Variants in MYT1L observed in about 807,000 individuals in gnomAD.
MYT1L encodes myelin transcription factor 1 like, also known as myelin transcription factor 1-like protein.
Under a neutral mutation model 126.7 loss-of-function variants are expected in MYT1L, and 12 were observed. That is an observed-to-expected ratio of 0.09 (90% confidence interval 0.06 to 0.15). The LOEUF (loss-of-function observed/expected upper bound fraction) is 0.15, where lower values mean the gene tolerates loss of function less well. Among genes scored for constraint, MYT1L ranks in the 10% least tolerant of loss-of-function variants. The pLI is 1.00. For missense variants in MYT1L, 979 were observed against 1,585.2 expected (o/e 0.62, Z 6.49); for synonymous variants, 541 against 604.2 (o/e 0.90, Z 1.53).
intron 8 of MYT1L, among the ~76,000 whole-genome samples, chr2:1,978,327 A>G (rs1198621500): frequency 1.3e-5 from 2 of 152,222 alleles, no homozygotes; most frequent in East Asian, 3.8e-4. Flanking sequence ...TGGTCTTTGC[A>G]ATCTAATTTG....
chr2:1,903,007 G>T lies in MYT1L; in HGVS notation c.2032+73C>A, dbSNP rs1490357269. On this transcript the variant is annotated intron_variant, in intron 14 of 24. Transcript: ENST00000647738. ...CCACCACCGCTCAACTAATTTGTAG[G>T]ACATTGATATACACAACAACAACAT... 4 of 1,378,610 alleles carry T rather than the reference G, an allele frequency of 2.9e-6. No homozygotes were observed. In the East Asian group the frequency reaches 6.9e-5, roughly 24 times the overall value. The allele number at this position is 1,378,610 out of a possible 1,614,324, so 85.4% of individuals were successfully genotyped here.
chr2:2,049,299 T>C (rs551323428), intron 4 of MYT1L, among the ~76,000 whole-genome samples: 7 of 152,316 alleles, frequency 4.6e-5, no homozygotes, highest in East Asian at 1.9e-4. Context: ...TATATACACA[T>C]AGTACATTAT....
chr2:2,279,647 T>C (rs753583084), intron 2 of MYT1L, among the ~76,000 whole-genome samples: 8 of 152,022 alleles, frequency 5.3e-5, no homozygotes, highest in Admixed American at 1.3e-4. Context: ...CAACACCTGT[T>C]CCATGCCCAG....
At chr2:1,934,435 A>G (rs1485327130) in intron 9 of MYT1L, among the ~76,000 whole-genome samples, 1 of 151,900 alleles carries the variant, frequency 6.6e-6, no homozygotes, top group Non-Finnish European at 1.5e-5. Flanking sequence ...AGTGATTTCA[A>G]TGCTGTCCTT....
chr2:1,845,983 C>G (rs1367359270), intron 19 of MYT1L, among the ~76,000 whole-genome samples: 1 of 152,224 alleles, frequency 6.6e-6, no homozygotes, highest in Non-Finnish European at 1.5e-5. Flanking sequence ...CTCCTGGGCT[C>G]CAACCCACCC....
At chr2:2,113,524 A>C (rs774747100) in intron 3 of MYT1L, among the ~76,000 whole-genome samples, 1 of 152,180 alleles carries the variant, frequency 6.6e-6, no homozygotes, top group Non-Finnish European at 1.5e-5. Context: ...GTGGAAATGT[A>C]AGGTGGGGCC....
At chr2:2,168,124 T>C (rs2089463035) in intron 3 of MYT1L, among the ~76,000 whole-genome samples, 1 of 152,086 alleles carries the variant, frequency 6.6e-6, no homozygotes. Context: ...GTGGGATCAG[T>C]GTGTGTAGAC....
chr2:2,107,692 T>C (rs1377681496), intron 3 of MYT1L, among the ~76,000 whole-genome samples: 1 of 152,130 alleles, frequency 6.6e-6, no homozygotes, highest in Non-Finnish European at 1.5e-5. Context: ...ATCAGGATTG[T>C]GCACTAGTTT....
chr2:2,275,742 A>C (rs951406896), intron 2 of MYT1L, among the ~76,000 whole-genome samples: 12 of 152,226 alleles, frequency 7.9e-5, no homozygotes, highest in Non-Finnish European at 1.5e-4. Context: ...GTTGCTGCCA[A>C]GATACACTTC....
rs747917058 is a variant in MYT1L, at chr2:2,162,384, G to A, written c.-304+10488C>T. On this transcript the variant is annotated intron_variant, in intron 3 of 24. Transcript: ENST00000647738. ...TCGGGTAGTAATACAGACAGTGCCC[G>A]CGGTCCACAGAGAAGGAGGTCGGGC... Among the ~76,000 whole-genome samples, 6 of 152,178 alleles carry A rather than the reference G, an allele frequency of 3.9e-5. No homozygotes were observed. In the South Asian group the frequency reaches 8.3e-4, roughly 21 times the overall value.
chr2:1,915,057 G>A (rs1259843348), intron 11 of MYT1L, among the ~76,000 whole-genome samples: 1 of 152,124 alleles, frequency 6.6e-6, no homozygotes, highest in Non-Finnish European at 1.5e-5. Flanking sequence ...TCATGCCCAT[G>A]TCCTTCTCTC....
intron 2 of MYT1L, among the ~76,000 whole-genome samples, chr2:2,265,733 C>A (rs1356714028): frequency 1.3e-5 from 2 of 152,134 alleles, no homozygotes; most frequent in Admixed American, 1.3e-4. Context: ...TTTTGGTAAG[C>A]ATGAAGTTCA....
chr2:1,866,656 A>G (rs1391852595), intron 18 of MYT1L, among the ~76,000 whole-genome samples: 1 of 41,930 alleles, frequency 2.4e-5, no homozygotes. Context: ...AGAGACAGAG[A>G]GAGAGGGAGA....
intron 19 of MYT1L, among the ~76,000 whole-genome samples, chr2:1,850,114 G>T (rs917127419): frequency 3.4e-5 from 5 of 147,202 alleles, no homozygotes; most frequent in African/African-American, 1.3e-4. Flanking sequence ...CCCTTCCCTC[G>T]CTCCCTTCCC....
rs564402256 is a variant in MYT1L at position 2,197,052 on chromosome 2, A to T, written c.-420-24064T>A. On this transcript the variant is annotated intron_variant, in intron 2 of 24. Coordinates refer to ENST00000647738, the MANE Select transcript of MYT1L (RefSeq NM_001303052.2). ...TTAAGGAAAATTATTATAAATTTTT[A>T]AAAATATTGATGTGTAGGCCCATCA... 3.3e-5 allele frequency among the ~76,000 whole-genome samples: 5 copies of T among 152,286 alleles called. No individual in the cohort carries two copies. The South Asian group carries it at 1.0e-3, about 32-fold the overall frequency.
chr2:1,827,452 C>T (rs898474874), intron 21 of MYT1L: 1 of 152,156 alleles, frequency 6.6e-6, no homozygotes, highest in African/African-American at 2.4e-5. Flanking sequence ...GTCCTCATTC[C>T]CGCCACCCTC....
At chr2:1,925,974 G>A (rs576284897) in intron 9 of MYT1L, among the ~76,000 whole-genome samples, 29 of 152,260 alleles carry the variant, frequency 1.9e-4, no homozygotes, top group African/African-American at 3.4e-4. Context: ...CCCCAGAGCC[G>A]ACTGCTGGGG....
chr2:2,271,054 C>T (rs1232623732), intron 2 of MYT1L, among the ~76,000 whole-genome samples: 2 of 152,144 alleles, frequency 1.3e-5, no homozygotes, highest in Non-Finnish European at 2.9e-5. Context: ...CGAGAGGTCC[C>T]GTGTCTGTGT....
chr2:2,210,919 G>C (rs2093483453), intron 2 of MYT1L, among the ~76,000 whole-genome samples: 1 of 151,772 alleles, frequency 6.6e-6, no homozygotes, highest in African/African-American at 2.4e-5. Context: ...GTGTTTTATA[G>C]TTTTTGTTGT....
Sources: allele counts gnomAD v4.1 joint callset (sites outside exome capture counted in the v4.1 genomes callset), GRCh38; gene constraint gnomAD v4.1.1; transcripts MANE v1.5; gene names NCBI Gene and HGNC (gene_info 2026-07-23, HGNC 2026-07-21).